KCTD8: variants seen among roughly 807,000 people sequenced by gnomAD.
KCTD8 encodes potassium channel tetramerization domain containing 8.
A neutral mutation model predicts 31.5 loss-of-function variants in KCTD8; 27 were observed. The ratio of observed to expected loss-of-function variants is 0.86; its 90% CI spans 0.63 to 1.18. The LOEUF (loss-of-function observed/expected upper bound fraction) is 1.18. Among genes scored for constraint, KCTD8 ranks in the 50% most tolerant of loss-of-function variants. The pLI, the probability that KCTD8 is intolerant of heterozygous loss-of-function variation, is 0.00. For missense variants in KCTD8, 658 were observed against 647.7 expected, an observed-to-expected ratio of 1.02 and a Z score of -0.17; for synonymous variants, 290 against 280.0, an observed-to-expected ratio of 1.04 and a Z score of -0.36.
chr4:44,236,105 C>T (rs755781439), intron 1 of KCTD8, among the ~76,000 whole-genome samples: 17 of 152,166 alleles, frequency 1.1e-4, no homozygotes, highest in Non-Finnish European at 2.5e-4. Flanking sequence ...ATAAGGTTGC[C>T]CAGCAGGGGC....
intron 1 of KCTD8, among the ~76,000 whole-genome samples, chr4:44,256,106 C>G (rs952823851): frequency 6.6e-6 from 1 of 151,808 alleles, no homozygotes; most frequent in African/African-American, 2.4e-5. Flanking sequence ...CACATCAGAT[C>G]TTGTGAGACT....
At chr4:44,438,157 G>A (rs895490552) in intron 1 of KCTD8, among the ~76,000 whole-genome samples, 5 of 152,176 alleles carry the variant, frequency 3.3e-5, no homozygotes, top group African/African-American at 1.2e-4. Context: ...ATCTGCCTCA[G>A]ATCTCTCTGG....
At chr4:44,291,008 A>G (rs558610209) in intron 1 of KCTD8, among the ~76,000 whole-genome samples, 1 of 152,254 alleles carries the variant, frequency 6.6e-6, no homozygotes, top group South Asian at 2.1e-4. Flanking sequence ...TACACAAAAG[A>G]TCAATGAAAC....
intron 1 of KCTD8, among the ~76,000 whole-genome samples, chr4:44,400,819 C>G (rs1720631066): frequency 6.7e-6 from 1 of 150,324 alleles, no homozygotes; most frequent in African/African-American, 2.4e-5. Context: ...TATTTTAGTT[C>G]AATGAATGAA....
chr4:44,219,281 T>C (rs1714738266), intron 1 of KCTD8, among the ~76,000 whole-genome samples: 4 of 152,268 alleles, frequency 2.6e-5, no homozygotes, highest in Admixed American at 2.6e-4. Context: ...TTTCAGTTGC[T>C]TTATGTTGTG....
At chr4:44,220,740 T>G (rs1056408253) in intron 1 of KCTD8, among the ~76,000 whole-genome samples, 1 of 152,290 alleles carries the variant, frequency 6.6e-6, no homozygotes, top group Non-Finnish European at 1.5e-5. Flanking sequence ...GGTAAAGAAT[T>G]AATTACTCTG....
chr4:44,346,964 T>C (rs1426375153), intron 1 of KCTD8, among the ~76,000 whole-genome samples: 2 of 152,034 alleles, frequency 1.3e-5, no homozygotes, highest in Admixed American at 1.3e-4. Flanking sequence ...AAGAAATAAG[T>C]CCAGTGTATC....
rs867912004 is a variant in KCTD8 at position 44,409,006 on chromosome 4, A to G, written c.961+38557T>C. On this transcript the variant is annotated intron_variant, in intron 1 of 1. Transcript: ENST00000360029. ...ACCTGTAACCCTAGTACTTTGGGAG[A>G]CCGAGGTGGGAGGATTGTTTGTGTC... Among the ~76,000 whole-genome samples the G allele has an allele frequency of 6.6e-5, 10 of 151,734 alleles. No individual in the cohort carries two copies. The South Asian group carries it at 2.1e-3, about 32-fold the overall frequency.
At chr4:44,195,133 C>T (rs968618768) in intron 1 of KCTD8, among the ~76,000 whole-genome samples, 1 of 151,770 alleles carries the variant, frequency 6.6e-6, no homozygotes, top group African/African-American at 2.4e-5. Flanking sequence ...CCACCTCGGC[C>T]TCCCAAAGTG....
At chr4:44,361,417 G>C (rs938479250) in intron 1 of KCTD8, among the ~76,000 whole-genome samples, 5 of 151,968 alleles carry the variant, frequency 3.3e-5, no homozygotes, top group Non-Finnish European at 7.4e-5. Context: ...CTTCGGTGTT[G>C]AGATGGATTT....
At chr4:44,256,725 C>T (rs578056101) in intron 1 of KCTD8, among the ~76,000 whole-genome samples, 1 of 151,906 alleles carries the variant, frequency 6.6e-6, no homozygotes, top group South Asian at 2.1e-4. Flanking sequence ...CAGTTGAAAG[C>T]AGAGATCAGA....
chr4:44,388,012 T>C (rs1051777013), intron 1 of KCTD8, among the ~76,000 whole-genome samples: 10 of 113,136 alleles, frequency 8.8e-5, no homozygotes, highest in Non-Finnish European at 1.5e-4. Flanking sequence ...TTAAACAAAT[T>C]TACAAAAAAA....
chr4:44,286,330 G>A (rs907727842), intron 1 of KCTD8, among the ~76,000 whole-genome samples: 8 of 151,744 alleles, frequency 5.3e-5, no homozygotes, highest in African/African-American at 1.5e-4. Context: ...CTTCTAAATC[G>A]ACCCCAAATT....
intron 1 of KCTD8, among the ~76,000 whole-genome samples, chr4:44,265,732 A>G (rs1434959941): frequency 9.8e-5 from 15 of 152,362 alleles, no homozygotes; most frequent in African/African-American, 3.6e-4. Context: ...AGGCTCGAGA[A>G]CTACGTGAAG....
intron 1 of KCTD8, among the ~76,000 whole-genome samples, chr4:44,376,410 C>T (rs1719917777): frequency 6.6e-6 from 1 of 152,152 alleles, no homozygotes; most frequent in Admixed American, 6.5e-5. Flanking sequence ...CCTACTTCAG[C>T]CTTAAGACAA....
At chr4:44,335,065 C>A (rs1170046851) in intron 1 of KCTD8, among the ~76,000 whole-genome samples, 1 of 151,978 alleles carries the variant, frequency 6.6e-6, no homozygotes, top group African/African-American at 2.4e-5. Flanking sequence ...TTGATTCTGG[C>A]AAAACGTTTT....
intron 1 of KCTD8, among the ~76,000 whole-genome samples, chr4:44,419,899 C>A (rs1721171407): frequency 6.6e-6 from 1 of 151,892 alleles, no homozygotes; most frequent in South Asian, 2.1e-4. Context: ...AGGAACCTTT[C>A]AAGCTACCTT....
intron 1 of KCTD8, among the ~76,000 whole-genome samples, chr4:44,362,734 C>G (rs888666136): frequency 3.3e-5 from 5 of 150,670 alleles, no homozygotes; most frequent in African/African-American, 1.2e-4. Context: ...ACCAGTATAA[C>G]TTCAAGTGGC....
chr4:44,283,539 G>T (rs577747911), intron 1 of KCTD8, among the ~76,000 whole-genome samples: 1 of 152,024 alleles, frequency 6.6e-6, no homozygotes, highest in African/African-American at 2.4e-5. Flanking sequence ...GACCTTCTAG[G>T]GCCCTTAATA....
Sources: allele counts gnomAD v4.1 joint callset (sites outside exome capture counted in the v4.1 genomes callset), GRCh38; gene constraint gnomAD v4.1.1; transcripts MANE v1.5; gene names NCBI Gene and HGNC (gene_info 2026-07-23, HGNC 2026-07-21).